Variants in CYFIP1 observed in about 807,000 individuals in gnomAD.
CYFIP1 encodes the protein cytoplasmic FMR1 interacting protein 1.
A neutral mutation model predicts 163.5 loss-of-function variants in CYFIP1; 58 were observed. That is an observed-to-expected ratio of 0.35 (90% CI 0.29 to 0.44). The LOEUF is 0.44. CYFIP1 is among the 20% of genes least tolerant of loss of function. The pLI is 1.00. For missense variants in CYFIP1, 1,338 were observed against 1,653.8 expected, an observed-to-expected ratio of 0.81 and a Z score of 3.31; for synonymous variants, 663 against 660.7, an observed-to-expected ratio of 1.00 and a Z score of -0.05.
intron 1 of CYFIP1, among the ~76,000 whole-genome samples, chr15:22,962,038 G>GTGGCCACTA (rs982057276): frequency 2.6e-5 from 4 of 152,158 alleles, no homozygotes; most frequent in Admixed American, 2.6e-4. Flanking sequence ...GCAAATTGCT[G>GTGGCCACTA]TGGCCACTAT....
intron 22 of CYFIP1, among the ~76,000 whole-genome samples, chr15:22,895,861 C>T (rs188019844): frequency 2.1e-4 from 32 of 152,344 alleles, no homozygotes; most frequent in Admixed American, 2.1e-3. Flanking sequence ...CCCTGAGGAG[C>T]GTCCCACCTC....
At chr15:22,899,818 C>T (rs993833434) in intron 22 of CYFIP1, among the ~76,000 whole-genome samples, 1 of 152,130 alleles carries the variant, frequency 6.6e-6, no homozygotes. Flanking sequence ...AAGGCTGAGG[C>T]AGGTGGATCA....
At chr15:22,945,496 T>G (rs2062027931) in intron 3 of CYFIP1, among the ~76,000 whole-genome samples, 1 of 152,166 alleles carries the variant, frequency 6.6e-6, no homozygotes, top group Admixed American at 6.5e-5. Context: ...TGCTTTCCAC[T>G]CTTTAACATC....
At chr15:22,946,648 A>C in intron 3 of CYFIP1, 1 of 375,116 alleles carries the variant, frequency 2.7e-6, no homozygotes, top group Non-Finnish European at 5.2e-6. Flanking sequence ...CTCAAAAAAA[A>C]AGCAGAACTA....
intron 23 of CYFIP1, 38 bp from the exon 24 acceptor site, chr15:22,883,049 G>C: frequency 6.3e-7 from 1 of 1,598,700 alleles, no homozygotes; most frequent in Non-Finnish European, 8.6e-7. Flanking sequence ...CATGGTCCCC[G>C]CACACATGTG....
chr15:22,902,442 A>G (rs1480611054), intron 22 of CYFIP1, among the ~76,000 whole-genome samples: 1 of 152,166 alleles, frequency 6.6e-6, no homozygotes, highest in African/African-American at 2.4e-5. Flanking sequence ...GGACAAATAC[A>G]TTTTTACCAA....
At chr15:22,879,345 G>A (rs2059682449) in intron 26 of CYFIP1, among the ~76,000 whole-genome samples, 1 of 152,082 alleles carries the variant, frequency 6.6e-6, no homozygotes, top group African/African-American at 2.4e-5. Context: ...CAGGACAGAG[G>A]GACAGCCAGA....
Position 22,872,368 on chromosome 15 carries a change from T to TA in CYFIP1, c.3597+456dup, listed in dbSNP as rs2059460342. The stretch of plus-strand genomic sequence containing the variant: ...ATGTGGAGAATAGAATGAGAAGGTC[T>TA]AACATATGTTTAACTGAAGTCCTGA... On this transcript the variant is annotated intron_variant, in intron 30 of 30. Transcript: ENST00000617928. Among the ~76,000 whole-genome samples, 2 of 151,154 alleles carry TA rather than the reference T, an allele frequency of 1.3e-5. 1 individual carries two copies. Among genetic ancestry groups the TA allele is most frequent in the Admixed American group, 1.3e-4 (2 of 15,192 alleles).
chr15:22,947,861 G>T, intron 1 of CYFIP1: 1 of 837,116 alleles, frequency 1.2e-6, no homozygotes, highest in South Asian at 5.5e-5. Context: ...GTGCCACACC[G>T]CAGCTGGAGC....
chr15:22,904,960 G>C (rs767152394), intron 21 of CYFIP1: 1 of 152,128 alleles, frequency 6.6e-6, no homozygotes, highest in East Asian at 1.9e-4. Context: ...GCCCTGGCAC[G>C]TTCATTACCA....
At chr15:22,905,794 C>T (rs374974877) in intron 21 of CYFIP1, among the ~76,000 whole-genome samples, 30 of 151,146 alleles carry the variant, frequency 2.0e-4, no homozygotes, top group East Asian at 9.8e-4. Context: ...GAGTCTCGCT[C>T]TGTCACCCAG....
At chr15:22,980,038 G>A (rs912819430) in intron 1 of CYFIP1, among the ~76,000 whole-genome samples, 2 of 151,898 alleles carry the variant, frequency 1.3e-5, no homozygotes, top group Admixed American at 6.6e-5. Context: ...CGCAGGGACC[G>A]GGAAGCCAGT....
At chr15:22,977,194 T>A (rs1219171096) in intron 1 of CYFIP1, among the ~76,000 whole-genome samples, 1 of 151,502 alleles carries the variant, frequency 6.6e-6, no homozygotes, top group Non-Finnish European at 1.5e-5. Flanking sequence ...AATGAAACTC[T>A]GTCTCAAAAA....
rs1233226064 is a variant in CYFIP1 at position 22,867,227 on chromosome 15, CTTTT to C, written c.*2797_*2800del. 2.5e-6 allele frequency: 1 copy of C among 404,500 alleles called. No homozygotes were observed. Among genetic ancestry groups the C allele is most frequent in the Non-Finnish European group, 4.3e-6 (1 of 230,008 alleles). The allele number at this position is 404,500 out of a possible 1,614,324, so 25.1% of individuals were successfully genotyped here. On this transcript the variant is annotated 3_prime_UTR_variant, in exon 31 of 31. Transcript: ENST00000617928. ...TCCATCAATCCCTGACCATGTAAGG[CTTTT>C]TTATTTTAAAAAAACAGAGTTATCC...
chr15:22,973,111 G>A (rs1179334766), intron 1 of CYFIP1, among the ~76,000 whole-genome samples: 1 of 151,966 alleles, frequency 6.6e-6, no homozygotes, highest in Non-Finnish European at 1.5e-5. Flanking sequence ...TCTCCAACCT[G>A]GGCGACAGAG....
chr15:22,939,127 A>G, intron 8 of CYFIP1, 65 bp downstream of exon 8: 1 of 1,595,686 alleles, frequency 6.3e-7, no homozygotes, highest in Non-Finnish European at 8.6e-7. Context: ...GATAAAGCAC[A>G]GCCTATTGAC....
chr15:22,979,892 A>C (rs1373463496), intron 1 of CYFIP1, among the ~76,000 whole-genome samples: 2 of 152,180 alleles, frequency 1.3e-5, no homozygotes, highest in African/African-American at 4.8e-5. Flanking sequence ...ACTTTCCAAC[A>C]AAAACGTCAA....
rs924783122 is a variant in CYFIP1 at position 22,867,238 on chromosome 15, T to TA, written c.*2789dup. ...CTGACCATGTAAGGCTTTTTTATTT[T>TA]AAAAAAACAGAGTTATCCCAATACA... On this transcript the variant is annotated 3_prime_UTR_variant, in exon 31 of 31. Transcript: ENST00000617928. 6.9e-5 allele frequency: 28 copies of TA among 403,828 alleles called. No individual in the cohort carries two copies. Among genetic ancestry groups the TA allele is most frequent in the Admixed American group, 2.5e-4 (6 of 23,538 alleles). The allele number at this position is 403,828 out of a possible 1,614,324, so 25.0% of individuals were successfully genotyped here.
At position 22,868,231 on chromosome 15, in the gene CYFIP1, A is replaced by G. The variant is rs2059277518; in HGVS notation, c.*1797T>C. 6.6e-6 allele frequency: 1 copy of G among 152,188 alleles called. No individual in the cohort carries two copies. Among genetic ancestry groups the G allele is most frequent in the Non-Finnish European group, 1.5e-5 (1 of 68,036 alleles). The allele number at this position is 152,188 out of a possible 1,614,324, so 9.4% of individuals were successfully genotyped here. A position where few individuals can be genotyped will look rare whatever the true frequency, so the allele number is the denominator to read the frequency against. ...ATGTTTTTTCTAACTGCCTCCTCCCATGCCATTTTAATACTACAGATGTAC... is the reference window on the plus strand; with the variant it reads ...ATGTTTTTTCTAACTGCCTCCTCCCGTGCCATTTTAATACTACAGATGTAC... On this transcript the variant is annotated 3_prime_UTR_variant, in exon 31 of 31. Coordinates refer to ENST00000617928, the MANE Select transcript of CYFIP1 (RefSeq NM_014608.6).
Sources: gnomAD v4.1 joint callset for allele counts (sites outside exome capture counted in the v4.1 genomes callset) on GRCh38, gnomAD v4.1.1 for gene constraint, MANE v1.5 for transcripts, NCBI Gene and HGNC (gene_info 2026-07-23, HGNC 2026-07-21) for gene names.